GAREM1: variants seen among roughly 807,000 people sequenced by gnomAD.
The protein encoded by GAREM1 is GRB2-associated and regulator of MAPK protein 1.
In GAREM1, 26 loss-of-function variants were observed where a neutral mutation model predicts 71.3. That is an observed-to-expected ratio of 0.36 (90% CI 0.27 to 0.51). GAREM1 has a LOEUF of 0.51. Among genes scored for constraint, GAREM1 ranks in the 20% least tolerant of loss-of-function variants. The probability of loss-of-function intolerance (pLI) is 0.95; values close to 1 mark genes in which losing one functional copy is unlikely to be tolerated. For missense variants in GAREM1, 1,026 were observed against 1,103.1 expected (o/e 0.93, Z 0.99); for synonymous variants, 440 against 433.2 (o/e 1.02, Z -0.20).
At chr18:32,286,603 C>A (rs1434885691) in intron 4 of GAREM1, among the ~76,000 whole-genome samples, 1 of 152,148 alleles carries the variant, frequency 6.6e-6, no homozygotes, top group African/African-American at 2.4e-5. Context: ...TGACATCCAA[C>A]TCACAAGTAA....
At chr18:32,460,271 A>G (rs2048943213) in intron 1 of GAREM1, among the ~76,000 whole-genome samples, 1 of 152,192 alleles carries the variant, frequency 6.6e-6, no homozygotes, top group Non-Finnish European at 1.5e-5. Context: ...CTATATAACC[A>G]AGCTTAATCA....
At chr18:32,449,376 G>C (rs1189977343) in intron 1 of GAREM1, among the ~76,000 whole-genome samples, 1 of 152,172 alleles carries the variant, frequency 6.6e-6, no homozygotes, top group East Asian at 1.9e-4. Flanking sequence ...ATCATTCATA[G>C]TAAAGTGTTA....
In GAREM1 at chr18:32,287,529, G is replaced by A. The variant is rs2047036304; in HGVS notation, c.1068C>T (p.Ser356=). The change falls in exon 4 of 6, where the codon AGC becomes AGT. Residue 356 remains serine, a synonymous_variant. Coordinates refer to ENST00000269209, the MANE Select transcript of GAREM1 (RefSeq NM_001242409.2). This position sits in a 1 kb window ranked among gnomAD's most constrained non-coding sequence, Gnocchi z 5.9. ...VKTDWNEECK[S]PKKGRCSGHN... ...GGCCAGAGCACCGACCCTTCTTGGG[G>A]CTCTTGCATTCTTCATTCCAGTCGG... 2 of 1,614,210 alleles carry A rather than the reference G, an allele frequency of 1.2e-6. No individual in the cohort carries two copies. The highest frequency in any genetic ancestry group is 4.5e-5 in the East Asian group (2 of 44,872).
intron 3 of GAREM1, among the ~76,000 whole-genome samples, chr18:32,302,744 G>A (rs750826319): frequency 1.1e-4 from 16 of 152,140 alleles, no homozygotes; most frequent in Admixed American, 2.0e-4. Flanking sequence ...AAGGGTACAC[G>A]TTCCAGGTAG....
intron 1 of GAREM1, among the ~76,000 whole-genome samples, chr18:32,416,048 C>G (rs1260348477): frequency 1.3e-5 from 2 of 151,924 alleles, no homozygotes; most frequent in East Asian, 3.9e-4. Context: ...AATCAACATA[C>G]AAAAATCAAT....
At chr18:32,421,703 A>G (rs185344968) in intron 1 of GAREM1, among the ~76,000 whole-genome samples, 1 of 152,228 alleles carries the variant, frequency 6.6e-6, no homozygotes, top group Admixed American at 6.5e-5. Flanking sequence ...GTTGCCTAGA[A>G]AGCCCTTCCC....
chr18:32,412,523 A>T, intron 1 of GAREM1: 4 of 1,596,806 alleles, frequency 2.5e-6, no homozygotes, highest in Middle Eastern at 2.1e-4. Flanking sequence ...AGTTTCCTCC[A>T]TGACCGAAGT....
chr18:32,408,460 A>C (rs1599026691), intron 1 of GAREM1, among the ~76,000 whole-genome samples: 1 of 152,180 alleles, frequency 6.6e-6, no homozygotes, highest in Non-Finnish European at 1.5e-5. Context: ...GAGTGCCTTT[A>C]TATTAATGGC....
rs2049046720 is a variant in GAREM1, at chr18:32,470,722, C to T, written c.-294G>A. Among the ~76,000 whole-genome samples the T allele has an allele frequency of 1.3e-5, 2 of 149,610 alleles. No homozygotes were observed. The highest frequency in any genetic ancestry group is 4.1e-4 in the South Asian group (2 of 4,822). Reference sequence around the variant, plus strand: ...GCGGCGGCGGCGGCCCGGGTGGCTGCGGCGGCTCCCGCTCCGCCTCCTCCT... The same window carrying T: ...GCGGCGGCGGCGGCCCGGGTGGCTGTGGCGGCTCCCGCTCCGCCTCCTCCT... On this transcript the variant is annotated 5_prime_UTR_variant, in exon 1 of 6. Coordinates refer to ENST00000269209, the MANE Select transcript of GAREM1 (RefSeq NM_001242409.2). This position sits in a 1 kb window ranked among gnomAD's most constrained non-coding sequence, Gnocchi z 4.4.
intron 1 of GAREM1, among the ~76,000 whole-genome samples, chr18:32,460,272 A>C (rs1300143643): frequency 6.6e-6 from 1 of 152,202 alleles, no homozygotes; most frequent in African/African-American, 2.4e-5. Flanking sequence ...TATATAACCA[A>C]GCTTAATCAT....
intron 3 of GAREM1, 114 bp downstream of exon 3, chr18:32,310,079 T>C (rs616601): frequency 0.22 from 253,866 of 1,169,582 alleles, 31,839 homozygotes; most frequent in African/African-American, 0.52. Flanking sequence ...CACTAACTAT[T>C]AGAAGATAAA....
chr18:32,419,580 A>C (rs2048501184), intron 1 of GAREM1, among the ~76,000 whole-genome samples: 1 of 152,206 alleles, frequency 6.6e-6, no homozygotes, highest in South Asian at 2.1e-4. Flanking sequence ...ACTGTGAGAA[A>C]TAAATTTCTG....
intron 1 of GAREM1, among the ~76,000 whole-genome samples, chr18:32,445,934 T>C (rs918523181): frequency 2.0e-5 from 3 of 152,158 alleles, no homozygotes; most frequent in Non-Finnish European, 4.4e-5. Context: ...AGCAGAACCA[T>C]GTTATTCCAG....
rs2049046071 is a variant in GAREM1 at position 32,470,678 on chromosome 18, AGCAGCCGC to A, written c.-258_-251del. On this transcript the variant is annotated 5_prime_UTR_variant, in exon 1 of 6. The change abolishes the stop of an existing upstream ORF in the 5' untranslated region. Coordinates refer to ENST00000269209, the MANE Select transcript of GAREM1 (RefSeq NM_001242409.2). This position sits in a 1 kb window ranked among gnomAD's most constrained non-coding sequence, Gnocchi z 4.4. ...GCCCTCACGCCCGGAGAAGACTCAGAGCAGCCGCGCGGCTGCGGGCGGCGGCGGCGGCC... is the reference window on the plus strand; with the variant it reads ...GCCCTCACGCCCGGAGAAGACTCAGAGCGGCTGCGGGCGGCGGCGGCGGCC... Among the ~76,000 whole-genome samples the A allele has an allele frequency of 6.7e-6, 1 of 149,234 alleles. No individual in the cohort carries two copies. The highest frequency in any genetic ancestry group is 6.7e-5 in the Admixed American group (1 of 15,024).
intron 2 of GAREM1, among the ~76,000 whole-genome samples, chr18:32,343,045 A>T (rs2047661928): frequency 6.6e-6 from 1 of 152,244 alleles, no homozygotes; most frequent in Non-Finnish European, 1.5e-5. Context: ...TCTGATATTC[A>T]TCCCAAATGG....
chr18:32,355,840 A>C (rs981714608), intron 2 of GAREM1, among the ~76,000 whole-genome samples: 1 of 152,222 alleles, frequency 6.6e-6, no homozygotes, highest in Non-Finnish European at 1.5e-5. Context: ...ATCATTGGAC[A>C]AAAAAGAATG....
At chr18:32,354,702 G>A (rs1166725459) in intron 2 of GAREM1, among the ~76,000 whole-genome samples, 2 of 152,170 alleles carry the variant, frequency 1.3e-5, no homozygotes, top group African/African-American at 2.4e-5. Context: ...GAGGAAAAGC[G>A]GTGTGGCTGA....
rs58886413 is a variant in GAREM1, at chr18:32,267,499, GTTTT to G, written c.*368_*371del. 17 of 143,230 alleles carry G rather than the reference GTTTT, an allele frequency of 1.2e-4. No homozygotes were observed. Among genetic ancestry groups the G allele is most frequent in the African/African-American group, 4.1e-4 (16 of 39,148 alleles). 8.9% of individuals were successfully genotyped at this position (143,230 alleles called of 1,614,324 possible). On this transcript the variant is annotated 3_prime_UTR_variant, in exon 6 of 6. Transcript: ENST00000269209. ...TGAAAGAAGGGACTTGTTCAAAAGTGTTTTTTTTTTTTTTTTAAAGATTTTTATG... is the reference window on the plus strand; with the variant it reads ...TGAAAGAAGGGACTTGTTCAAAAGTGTTTTTTTTTTTTAAAGATTTTTATG...
At chr18:32,378,429 G>C (rs964364843) in intron 2 of GAREM1, among the ~76,000 whole-genome samples, 7 of 151,760 alleles carry the variant, frequency 4.6e-5, no homozygotes, top group Non-Finnish European at 8.8e-5. Flanking sequence ...GAACCTGGGA[G>C]GGGGAGGTTG....
Sources: gnomAD v4.1 joint callset for allele counts (sites outside exome capture counted in the v4.1 genomes callset) on GRCh38, gnomAD v4.1.1 for gene constraint, Gnocchi (gnomAD v3.1) non-coding constraint, MANE v1.5 for transcripts, NCBI Gene and HGNC (gene_info 2026-07-23, HGNC 2026-07-21) for gene names.